PNPLA8: variants seen among roughly 807,000 people sequenced by gnomAD.
The protein encoded by PNPLA8 is patatin like domain 8, phospholipase A2.
Under a neutral mutation model 76.9 loss-of-function variants are expected in PNPLA8, and 39 were observed. The ratio of observed to expected loss-of-function variants is 0.51; its 90% CI spans 0.39 to 0.66. The LOEUF is 0.66. Ranked by LOEUF, PNPLA8 falls within the 30% of genes least tolerant of loss-of-function variation. The pLI is 0.00. For missense variants in PNPLA8, 887 were observed against 918.0 expected (o/e 0.97, Z 0.44); for synonymous variants, 301 against 307.9 (o/e 0.98, Z 0.24).
At position 108,509,741 on chromosome 7, in the gene PNPLA8, G is replaced by A. The variant is rs1317037242; in HGVS notation, c.1206+4403C>T. 9.1e-4 allele frequency among the ~76,000 whole-genome samples: 136 copies of A among 149,620 alleles called. 1 individual carries two copies. The highest frequency in any genetic ancestry group is 3.1e-3 in the African/African-American group (125 of 40,632). ...ACACATGCACACGTATGTTTATTGC[G>A]GCATTATTCACAATAGCAAAGACTT... is the stretch of plus-strand genomic sequence containing the variant. On this transcript the variant is annotated intron_variant, in intron 4 of 10. Coordinates refer to ENST00000257694, the MANE Select transcript of PNPLA8 (RefSeq NM_001256007.3).
rs190679843 is a variant in PNPLA8, at chr7:108,510,541, G to A, written c.1206+3603C>T. ...GAGGTATCAGTGGCGTGAGCCCAAAGGTCCGAAAGGTGTTGCAGCTTCTTC... is the reference window on the plus strand; with the variant it reads ...GAGGTATCAGTGGCGTGAGCCCAAAAGTCCGAAAGGTGTTGCAGCTTCTTC... On this transcript the variant is annotated intron_variant, in intron 4 of 10. Coordinates refer to ENST00000257694, the MANE Select transcript of PNPLA8 (RefSeq NM_001256007.3). The A allele has an allele frequency of 1.0e-5, 14 of 1,388,020 alleles. No homozygotes were observed. In the East Asian group the frequency reaches 3.0e-4, roughly 29 times the overall value. 86.0% of individuals were successfully genotyped at this position (1,388,020 alleles called of 1,614,324 possible). A position where few individuals can be genotyped will look rare whatever the true frequency, so the allele number is the denominator to read the frequency against.
intron 1 of PNPLA8, among the ~76,000 whole-genome samples, chr7:108,522,018 G>A (rs371535978): frequency 2.0e-5 from 3 of 152,044 alleles, no homozygotes; most frequent in Non-Finnish European, 2.9e-5. Flanking sequence ...TTTACAGGCC[G>A]GGCGTGGTGG....
chr7:108,501,145 G>C (rs1238857182), intron 5 of PNPLA8, among the ~76,000 whole-genome samples: 1 of 152,280 alleles, frequency 6.6e-6, no homozygotes, highest in Non-Finnish European at 1.5e-5. Context: ...AAATCAGAGA[G>C]GTAAGCTAAA....
At chr7:108,490,685 G>C (rs1861093628) in intron 8 of PNPLA8, among the ~76,000 whole-genome samples, 1 of 151,900 alleles carries the variant, frequency 6.6e-6, no homozygotes, top group African/African-American at 2.4e-5. Context: ...TTGGGAGGCT[G>C]AGGCAGGAGA....
Position 108,472,149 on chromosome 7 carries a change from A to T in PNPLA8, c.*252T>A. The T allele has an allele frequency of 3.3e-6, 1 of 306,646 alleles. No individual in the cohort carries two copies. Among genetic ancestry groups the T allele is most frequent in the Non-Finnish European group, 6.0e-6 (1 of 166,024 alleles). 19.0% of individuals were successfully genotyped at this position (306,646 alleles called of 1,614,324 possible). The stretch of plus-strand genomic sequence containing the variant: ...CAATATAACACCAATATCTACTAAA[A>T]TCTACTAGCACAGTAAGGGTTACTA... On this transcript the variant is annotated 3_prime_UTR_variant, in exon 11 of 11. Transcript: ENST00000257694.
Position 108,494,025 on chromosome 7 carries a change from C to T in PNPLA8, c.1626-2558G>A, listed in dbSNP as rs144810432. 6.4e-3 allele frequency among the ~76,000 whole-genome samples: 979 copies of T among 151,854 alleles called. 8 individuals carry two copies. Among genetic ancestry groups the T allele is most frequent in the African/African-American group, 0.022 (931 of 41,392 alleles). On this transcript the variant is annotated intron_variant, in intron 7 of 10. Coordinates refer to ENST00000257694, the MANE Select transcript of PNPLA8 (RefSeq NM_001256007.3). ...ATATGATAAAGATGATGTTTCAAAT[C>T]AGTTAAATAAATGGAGCTGGGACAT...
At chr7:108,518,720 AATATATATATATATATATATATAT>A (rs148834592) in intron 2 of PNPLA8, among the ~76,000 whole-genome samples, 1 of 123,958 alleles carries the variant, frequency 8.1e-6, no homozygotes, top group African/African-American at 3.0e-5. Context: ...TATGCACATG[AATATATATATATATATATATATAT>A]ATATATATAT....
At chr7:108,494,417 T>C (rs1465775970) in intron 7 of PNPLA8, among the ~76,000 whole-genome samples, 2 of 152,312 alleles carry the variant, frequency 1.3e-5, no homozygotes, top group Non-Finnish European at 2.9e-5. Context: ...CTTATGTTCA[T>C]GTATATTCAA....
At chr7:108,475,500 A>C (rs141584718) in intron 10 of PNPLA8, among the ~76,000 whole-genome samples, 155 of 152,280 alleles carry the variant, frequency 1.0e-3, no homozygotes, top group African/African-American at 3.4e-3. Context: ...TTGAATCTAC[A>C]TATCAATTTG....
Position 108,523,740 on chromosome 7 carries a change from G to A in PNPLA8, c.-129-2219C>T, listed in dbSNP as rs186074646. Among the ~76,000 whole-genome samples, 25 of 152,188 alleles carry A rather than the reference G, an allele frequency of 1.6e-4. No homozygotes were observed. The East Asian group carries it at 2.5e-3, about 15-fold the overall frequency. The stretch of plus-strand genomic sequence containing the variant: ...TCCTTTTCAAACCTACGGTGTTGTC[G>A]GTAAATTTTTCTTACTACCCTACTA... On this transcript the variant is annotated intron_variant, in intron 1 of 10. Coordinates refer to ENST00000257694, the MANE Select transcript of PNPLA8 (RefSeq NM_001256007.3).
intron 4 of PNPLA8, among the ~76,000 whole-genome samples, chr7:108,512,877 G>A (rs946393514): frequency 4.6e-5 from 7 of 152,118 alleles, no homozygotes; most frequent in African/African-American, 1.7e-4. Context: ...AGAGTCCTCA[G>A]AGTTTCAATT....
At chr7:108,476,605 C>T (rs889761977) in intron 10 of PNPLA8, among the ~76,000 whole-genome samples, 14 of 152,278 alleles carry the variant, frequency 9.2e-5, no homozygotes, top group Admixed American at 3.3e-4. Context: ...AAAAAGAGAA[C>T]TACCATATGA....
At chr7:108,507,011 T>C (rs994179120) in intron 4 of PNPLA8, among the ~76,000 whole-genome samples, 5 of 152,034 alleles carry the variant, frequency 3.3e-5, no homozygotes, top group African/African-American at 1.2e-4. Context: ...AAATTCAGCA[T>C]TTTAAAAAAG....
chr7:108,510,991 C>G, intron 4 of PNPLA8: 2 of 1,356,154 alleles, frequency 1.5e-6, no homozygotes, highest in East Asian at 2.8e-5. Context: ...TCTACCATGA[C>G]TATTTCTCTA....
intron 4 of PNPLA8, among the ~76,000 whole-genome samples, chr7:108,507,716 A>G (rs1862562438): frequency 6.6e-6 from 1 of 152,170 alleles, no homozygotes; most frequent in African/African-American, 2.4e-5. Flanking sequence ...AGGTGCAAAA[A>G]AATTCATTTA....
chr7:108,498,430 A>T (rs1165161000), intron 5 of PNPLA8, among the ~76,000 whole-genome samples: 1 of 150,228 alleles, frequency 6.7e-6, no homozygotes, highest in Non-Finnish European at 1.5e-5. Context: ...ATGCCTGGCT[A>T]ATTTTTTTTT....
intron 8 of PNPLA8, among the ~76,000 whole-genome samples, chr7:108,490,750 C>G (rs1417744831): frequency 1.3e-5 from 2 of 150,728 alleles, no homozygotes; most frequent in African/African-American, 4.9e-5. Flanking sequence ...TGCCACTGCA[C>G]TCCAGCCTGG....
intron 8 of PNPLA8, among the ~76,000 whole-genome samples, chr7:108,488,717 T>C (rs1467650586): frequency 6.6e-6 from 1 of 152,242 alleles, no homozygotes; most frequent in African/African-American, 2.4e-5. Context: ...TGCTTTCAGG[T>C]CACAATTATT....
intron 2 of PNPLA8, 46 bp from the exon 3 acceptor site, chr7:108,515,620 A>G (rs1863282949): frequency 1.7e-6 from 2 of 1,163,310 alleles, no homozygotes; most frequent in Admixed American, 7.2e-5. Context: ...AAAAATTGAA[A>G]TTGGGTATAA....
Sources: gnomAD v4.1 joint callset for allele counts (sites outside exome capture counted in the v4.1 genomes callset) on GRCh38, gnomAD v4.1.1 for gene constraint, MANE v1.5 for transcripts, NCBI Gene and HGNC (gene_info 2026-07-23, HGNC 2026-07-21) for gene names.